Variants in TEK observed in about 807,000 individuals in gnomAD.
TEK encodes angiopoietin-1 receptor.
In TEK, 43 loss-of-function variants were observed where a neutral mutation model predicts 131.8. The ratio of observed to expected loss-of-function variants is 0.33; its 90% CI spans 0.26 to 0.42. The LOEUF (loss-of-function observed/expected upper bound fraction) is 0.42. Ranked by LOEUF, TEK falls within the 10% of genes least tolerant of loss-of-function variation. The pLI, the probability that TEK is intolerant of heterozygous loss-of-function variation, is 1.00. For synonymous variants in TEK, 580 were observed against 491.6 expected, an observed-to-expected ratio of 1.18 and a Z score of -2.38; for missense variants, 1,162 against 1,384.4, an observed-to-expected ratio of 0.84 and a Z score of 2.55.
intron 4 of TEK, among the ~76,000 whole-genome samples, chr9:27,172,015 G>A (rs1823977632): frequency 6.6e-6 from 1 of 152,176 alleles, no homozygotes; most frequent in African/African-American, 2.4e-5. Flanking sequence ...ATAGTTGTTT[G>A]AGATAGGAAA....
Position 27,152,415 on chromosome 9 carries a change from A to G in TEK, c.53-5416A>G, listed in dbSNP as rs1049693141. Reference sequence around the variant, plus strand: ...GCTGTATGTGAACTGGAATGTGGAAAAAAAAAAAAAAGCTAATTGGAGCAA... The same window carrying G: ...GCTGTATGTGAACTGGAATGTGGAAGAAAAAAAAAAAGCTAATTGGAGCAA... On this transcript the variant is annotated intron_variant, in intron 1 of 22. Transcript: ENST00000380036. Among the ~76,000 whole-genome samples the G allele has an allele frequency of 7.5e-3, 532 of 70,478 alleles. 3 individuals carry two copies. Among genetic ancestry groups the G allele is most frequent in the Non-Finnish European group, 0.01 (367 of 35,754 alleles). The allele number at this position is 70,478 out of a possible 152,430, so 46.2% of individuals were successfully genotyped here.
intron 11 of TEK, among the ~76,000 whole-genome samples, chr9:27,196,440 A>G (rs1418141429): frequency 2.0e-5 from 3 of 152,194 alleles, no homozygotes. Context: ...ATGAGGTGGT[A>G]TCTTATTCTA....
chr9:27,192,410 C>T, intron 10 of TEK, 79 bp from the exon 11 acceptor site: 1 of 1,559,536 alleles, frequency 6.4e-7, no homozygotes, highest in Non-Finnish European at 8.8e-7. Context: ...AATTAGTTCA[C>T]ATCGCAATAA....
chr9:27,111,545 A>C (rs1821347644), intron 1 of TEK, among the ~76,000 whole-genome samples: 1 of 151,776 alleles, frequency 6.6e-6, no homozygotes, highest in Admixed American at 6.6e-5. Flanking sequence ...AAAAAAAAAA[A>C]AGCCACTTTT....
intron 18 of TEK, among the ~76,000 whole-genome samples, chr9:27,215,392 TC>T (rs1292462325): frequency 6.6e-6 from 1 of 152,070 alleles, no homozygotes; most frequent in Non-Finnish European, 1.5e-5. Context: ...GGCAAGACAC[TC>T]CTAGAGAACA....
Position 27,173,213 on chromosome 9 carries a change from C to T in TEK, c.761-9C>T, listed in dbSNP as rs184614912. On this transcript the variant is annotated splice_polypyrimidine_tract_variant and intron_variant, in intron 5 of 22. Transcript: ENST00000380036. The stretch of plus-strand genomic sequence containing the variant: ...TGACTCTGAATCATCTTTTCTTTTC[C>T]TCCCAAAGCTTGTGAACTGCACACG... 1.5e-5 allele frequency: 24 copies of T among 1,613,928 alleles called. No individual in the cohort carries two copies. In the East Asian group the frequency reaches 4.5e-4, roughly 30 times the overall value.
At chr9:27,203,197 G>C (rs1825283477) in intron 13 of TEK, 78 bp downstream of exon 13, 2 of 1,514,646 alleles carry the variant, frequency 1.3e-6, no homozygotes, top group Admixed American at 3.4e-5. Context: ...ACAGGCCTGT[G>C]AGATGAAAGC....
intron 18 of TEK, 89 bp downstream of exon 18, chr9:27,213,686 G>A: frequency 1.1e-6 from 1 of 950,414 alleles, no homozygotes; most frequent in Non-Finnish European, 1.7e-6. Context: ...AGTGCTCTGT[G>A]GTGACTGAAG....
intron 1 of TEK, among the ~76,000 whole-genome samples, chr9:27,150,166 C>T (rs1823071885): frequency 6.6e-6 from 1 of 152,178 alleles, no homozygotes; most frequent in Non-Finnish European, 1.5e-5. Flanking sequence ...TTCCCTCACA[C>T]TAAGGACTTG....
intron 1 of TEK, among the ~76,000 whole-genome samples, chr9:27,155,752 T>C (rs1483717012): frequency 1.3e-5 from 2 of 152,104 alleles, no homozygotes; most frequent in Admixed American, 1.3e-4. Flanking sequence ...TTGGGAATAA[T>C]GTTTTTTTGC....
chr9:27,164,292 C>A (rs1823647543), intron 2 of TEK, among the ~76,000 whole-genome samples: 1 of 151,146 alleles, frequency 6.6e-6, no homozygotes, highest in Non-Finnish European at 1.5e-5. Context: ...GTTGCCCAGG[C>A]TGGAGTGCAG....
intron 11 of TEK, among the ~76,000 whole-genome samples, chr9:27,193,210 G>A (rs1353699879): frequency 6.6e-6 from 1 of 152,094 alleles, no homozygotes; most frequent in Admixed American, 6.6e-5. Context: ...ATCTCCTTAA[G>A]CTATTTCTTA....
At chr9:27,189,714 A>G (rs1316897541) in intron 9 of TEK, among the ~76,000 whole-genome samples, 1 of 152,176 alleles carries the variant, frequency 6.6e-6, no homozygotes, top group African/African-American at 2.4e-5. Context: ...TAGAAGCTAG[A>G]AAGAACAAGG....
chr9:27,137,401 AAGG>A (rs1271044486), intron 1 of TEK, among the ~76,000 whole-genome samples: 3 of 152,266 alleles, frequency 2.0e-5, no homozygotes, highest in Non-Finnish European at 4.4e-5. Context: ...TTTCACATGT[AAGG>A]AGTAGTTTTC....
At chr9:27,227,157 A>G (rs1352944606) in intron 21 of TEK, among the ~76,000 whole-genome samples, 2 of 152,188 alleles carry the variant, frequency 1.3e-5, no homozygotes. Context: ...ATAGCCTTCC[A>G]TGCACATAAG....
At chr9:27,150,568 G>T (rs910020239) in intron 1 of TEK, among the ~76,000 whole-genome samples, 1 of 152,182 alleles carries the variant, frequency 6.6e-6, no homozygotes, top group African/African-American at 2.4e-5. Flanking sequence ...CAGTGACTGT[G>T]CCACTGCACT....
intron 20 of TEK, 56 bp downstream of exon 20, chr9:27,218,873 T>G: frequency 6.6e-7 from 1 of 1,506,622 alleles, no homozygotes; most frequent in South Asian, 1.1e-5. Flanking sequence ...AGTGGAAGCC[T>G]CTAGCACTCC....
At chr9:27,175,715 G>C (rs1824143654) in intron 6 of TEK, among the ~76,000 whole-genome samples, 1 of 152,118 alleles carries the variant, frequency 6.6e-6, no homozygotes, top group Non-Finnish European at 1.5e-5. Flanking sequence ...TTGTGGTTTT[G>C]ATTTGTATTT....
intron 7 of TEK, among the ~76,000 whole-genome samples, chr9:27,183,180 G>T (rs1285146148): frequency 2.0e-5 from 3 of 152,124 alleles, no homozygotes; most frequent in Admixed American, 6.6e-5. Context: ...GTTCCTCCCT[G>T]GTCCATGAAA....
Sources: gnomAD v4.1 joint callset for allele counts (sites outside exome capture counted in the v4.1 genomes callset) on GRCh38, gnomAD v4.1.1 for gene constraint, MANE v1.5 for transcripts, NCBI Gene and HGNC (gene_info 2026-07-23, HGNC 2026-07-21) for gene names.